RCCD1: variants seen among roughly 807,000 people sequenced by gnomAD.
RCCD1 encodes the protein RCC1 domain-containing protein 1.
A neutral mutation model predicts 37.6 loss-of-function variants in RCCD1; 40 were observed. The observed-to-expected ratio is 1.06, with a 90% CI of 0.83 to 1.39. The LOEUF (loss-of-function observed/expected upper bound fraction) is 1.39. RCCD1 is among the 40% of genes most tolerant of loss of function. The pLI is 0.00. For missense variants in RCCD1, 577 were observed against 517.3 expected, an observed-to-expected ratio of 1.12 and a Z score of -1.12; for synonymous variants, 263 against 230.0, an observed-to-expected ratio of 1.14 and a Z score of -1.30.
In RCCD1 at chr15:90,961,795, C is replaced by T; in HGVS notation, c.*26C>T. On this transcript the variant is annotated 3_prime_UTR_variant, in exon 8 of 8. Transcript: ENST00000394258. ...CATGTGTACGTATATGTATATGCAA[C>T]ACCTGTGAGACCCCCATTCAGGTCA... 6.3e-7 allele frequency: 1 copy of T among 1,599,164 alleles called. No individual in the cohort carries two copies. The highest frequency in any genetic ancestry group is 2.2e-5 in the East Asian group (1 of 44,618).
intron 2 of RCCD1, 98 bp from the exon 3 acceptor site, chr15:90,957,015 C>T: frequency 7.8e-7 from 1 of 1,286,038 alleles, no homozygotes; most frequent in Non-Finnish European, 9.9e-7. Context: ...GCCCCACATT[C>T]TGGGTTGGTC....
intron 6 of RCCD1, 99 bp from the exon 7 acceptor site, chr15:90,960,926 G>T (rs1030403119): frequency 1.1e-5 from 12 of 1,094,766 alleles, no homozygotes; most frequent in Non-Finnish European, 1.7e-5. Context: ...ATCTCATGAG[G>T]ATTGTAATAT....
chr15:90,960,854 C>A, intron 6 of RCCD1, 171 bp from the exon 7 acceptor site: 1 of 726,472 alleles, frequency 1.4e-6, no homozygotes, highest in South Asian at 1.6e-5. Flanking sequence ...CCTCGGGATC[C>A]TCTGCCATGC....
intron 7 of RCCD1, 28 bp downstream of exon 7, chr15:90,961,082 C>T (rs748788991): frequency 1.2e-6 from 2 of 1,611,120 alleles, no homozygotes; most frequent in Admixed American, 3.3e-5. Context: ...TTTTGTGACC[C>T]TGAAACCAAG....
intron 4 of RCCD1, among the ~76,000 whole-genome samples, chr15:90,958,973 C>G (rs1041295877): frequency 4.6e-5 from 7 of 150,722 alleles, no homozygotes; most frequent in South Asian, 4.2e-4. Context: ...AAACCCCAAC[C>G]TTGGGCTGGA....
rs2037323116 is a variant in RCCD1, at chr15:90,961,893, A to C, written c.*124A>C. 2.1e-6 allele frequency: 2 copies of C among 937,460 alleles called. No homozygotes were observed. The highest frequency in any genetic ancestry group is 2.5e-5 in the East Asian group (1 of 39,456). The allele number at this position is 937,460 out of a possible 1,614,324, so 58.1% of individuals were successfully genotyped here. ...CATCACAGTCCTGCCCTTCACCCTCAAGCACGGTCCTAAACTTGTCTGCAC... is the reference window on the plus strand; with the variant it reads ...CATCACAGTCCTGCCCTTCACCCTCCAGCACGGTCCTAAACTTGTCTGCAC... On this transcript the variant is annotated 3_prime_UTR_variant, in exon 8 of 8. Coordinates refer to ENST00000394258, the MANE Select transcript of RCCD1 (RefSeq NM_001017919.2).
intron 7 of RCCD1, 43 bp from the exon 8 acceptor site, chr15:90,961,575 A>T: frequency 6.3e-7 from 1 of 1,583,200 alleles, no homozygotes; most frequent in Non-Finnish European, 8.6e-7. Flanking sequence ...AGCAGCAGCA[A>T]GACCCAGTGG....
chr15:90,958,287 G>C (rs2037243210), intron 4 of RCCD1, among the ~76,000 whole-genome samples: 1 of 152,106 alleles, frequency 6.6e-6, no homozygotes, highest in South Asian at 2.1e-4. Context: ...TGTGTCTGGG[G>C]CTCTCATTCT....
chr15:90,961,670 C>T lies in RCCD1; in HGVS notation c.1032C>T (p.Arg344=), dbSNP rs77876906. 9.3e-3 allele frequency: 15,053 copies of T among 1,614,118 alleles called. 83 individuals are homozygous for T. The highest frequency in any genetic ancestry group is 0.011 in the Non-Finnish European group (13,170 of 1,179,988). The change falls in exon 8 of 8, where the codon CGC becomes CGT. Residue 344 remains arginine (R), a synonymous_variant. Coordinates refer to ENST00000394258, the MANE Select transcript of RCCD1 (RefSeq NM_001017919.2). ...ACACCACCAGCTTGGATCGGCCTCG[C>T]CGTGTGGAATACTTTGTAGATAAGC... The part of the protein sequence containing the change: ...HEDTTSLDRP[R]RVEYFVDKQL...
Position 90,956,934 on chromosome 15 carries a change from A to G in RCCD1, c.166+34A>G, listed in dbSNP as rs565782695. The stretch of plus-strand genomic sequence containing the variant: ...TCCCCGCCCCGTCCCCACTTATTCC[A>G]GCCGCGCTCCCCAGTCGCCTCCCCG... On this transcript the variant is annotated intron_variant, in intron 2 of 7. Coordinates refer to ENST00000394258, the MANE Select transcript of RCCD1 (RefSeq NM_001017919.2). 3.9e-6 allele frequency: 5 copies of G among 1,267,418 alleles called. No individual in the cohort carries two copies. The African/African-American group carries it at 7.7e-5, about 20-fold the overall frequency. The allele number at this position is 1,267,418 out of a possible 1,614,324, so 78.5% of individuals were successfully genotyped here.
chr15:90,961,730 G>C lies in RCCD1; in HGVS notation c.1092G>C (p.Trp364Cys). The change falls in exon 8 of 8, where the codon TGG (tryptophan) becomes TGC (cysteine). Residue 364 changes from tryptophan (W) to cysteine (C), a missense_variant. Coordinates refer to ENST00000394258, the MANE Select transcript of RCCD1 (RefSeq NM_001017919.2). ...TAAAGGCTGTCACCTGTGGGCCGTG[G>C]AACACCTACGTGTATGCTGTGGAGA... ...LQVKAVTCGP[W>C]NTYVYAVEKG... 2 of 1,614,160 alleles carry C rather than the reference G, an allele frequency of 1.2e-6. No individual in the cohort carries two copies. The highest frequency in any genetic ancestry group is 2.2e-5 in the South Asian group (2 of 91,090).
Position 90,957,738 on chromosome 15 carries a change from G to C in RCCD1, c.679+13G>C. 1 of 1,592,482 alleles carries C rather than the reference G, an allele frequency of 6.3e-7. No individual in the cohort carries two copies. The highest frequency in any genetic ancestry group is 1.7e-5 in the Admixed American group (1 of 57,342). ...GTGTGTGTGAGTGGTGAGTGACTTA[G>C]TGCTTCTCCAGACGAGCTCATGATC... On this transcript the variant is annotated intron_variant, in intron 4 of 7. Transcript: ENST00000394258.
rs1372082260 is a variant in RCCD1 at position 90,959,876 on chromosome 15, A to T, written c.680-24A>T. 2.6e-6 allele frequency: 4 copies of T among 1,554,596 alleles called. No homozygotes were observed. The Admixed American group carries it at 6.9e-5, about 27-fold the overall frequency. On this transcript the variant is annotated intron_variant, in intron 4 of 7. Coordinates refer to ENST00000394258, the MANE Select transcript of RCCD1 (RefSeq NM_001017919.2). Reference sequence around the variant, plus strand: ...ATGCAGGGGCTTCACAGTCTGTTTCATGTGTCCCCTTGATCTCTTTCAGAG... The same window carrying T: ...ATGCAGGGGCTTCACAGTCTGTTTCTTGTGTCCCCTTGATCTCTTTCAGAG...
Position 90,961,960 on chromosome 15 carries a change from G to T in RCCD1, c.*191G>T. Reference sequence around the variant, plus strand: ...GAGCATTGAAAACTCTGCTGCCTAAGGTCAGCATCAATCAAAACAATGAAA... The same window carrying T: ...GAGCATTGAAAACTCTGCTGCCTAATGTCAGCATCAATCAAAACAATGAAA... On this transcript the variant is annotated 3_prime_UTR_variant, in exon 8 of 8. Coordinates refer to ENST00000394258, the MANE Select transcript of RCCD1 (RefSeq NM_001017919.2). 4.5e-6 allele frequency: 2 copies of T among 447,144 alleles called. No individual in the cohort carries two copies. Among genetic ancestry groups the T allele is most frequent in the Non-Finnish European group, 7.9e-6 (2 of 252,418 alleles). 27.7% of individuals were successfully genotyped at this position (447,144 alleles called of 1,614,324 possible). A position where few individuals can be genotyped will look rare whatever the true frequency, so the allele number is the denominator to read the frequency against.
In RCCD1 at chr15:90,957,154, GCGGGCC is replaced by G. The variant is rs769973845; in HGVS notation, c.209_214del (p.Ala70_Arg72delinsGly). 3.7e-6 allele frequency: 5 copies of G among 1,363,250 alleles called. 1 individual carries two copies. In the South Asian group the frequency reaches 8.8e-5, roughly 24 times the overall value. 84.4% of individuals were successfully genotyped at this position (1,363,250 alleles called of 1,614,324 possible). ...GCTGTCGGGCTCAGCCAGCGGCGCG[GCGGGCC>G]GCTGCAAGGACGCGTGGGCCTCGGA... On this transcript the variant is annotated inframe_deletion, in exon 3 of 8. Transcript: ENST00000394258.
At position 90,956,639 on chromosome 15, in the gene RCCD1, C is replaced by CAG. The variant is rs1324283248; in HGVS notation, c.-92_-91dup. ...AAGGCAGCTCCAGCCCCTGGAAGGC[C>CAG]AGAGACTTGCCAGTGTCCCACTAGC... On this transcript the variant is annotated 5_prime_UTR_variant, in exon 2 of 8. Coordinates refer to ENST00000394258, the MANE Select transcript of RCCD1 (RefSeq NM_001017919.2). The CAG allele has an allele frequency of 8.8e-6, 10 of 1,132,220 alleles. No homozygotes were observed. The highest frequency in any genetic ancestry group is 1.1e-5 in the Non-Finnish European group (10 of 897,146). The allele number at this position is 1,132,220 out of a possible 1,614,324, so 70.1% of individuals were successfully genotyped here.
Position 90,957,240 on chromosome 15 carries a change from C to A in RCCD1, c.294C>A (p.Val98=), listed in dbSNP as rs779903681. The A allele has an allele frequency of 6.8e-7, 1 of 1,463,312 alleles. No individual in the cohort carries two copies. Among genetic ancestry groups the A allele is most frequent in the East Asian group, 2.6e-5 (1 of 38,200 alleles). The allele number at this position is 1,463,312 out of a possible 1,614,324, so 90.6% of individuals were successfully genotyped here. Residue 98 remains valine, a synonymous_variant, in exon 3 of 8, where the codon GTC becomes GTA. Transcript: ENST00000394258. The stretch of plus-strand genomic sequence containing the variant: ...CGGGGCCGGAGGCGTTACTGCAGGT[C>A]TGGGCGGCCGAATCGGCGCTGCGTG... ...AGPGPEALLQ[V]WAAESALRGE...
At chr15:90,958,274 G>C (rs1258819838) in intron 4 of RCCD1, among the ~76,000 whole-genome samples, 1 of 152,132 alleles carries the variant, frequency 6.6e-6, no homozygotes, top group African/African-American at 2.4e-5. Context: ...GATGATCTTT[G>C]TCTGTGTCTG....
chr15:90,961,591 A>G, intron 7 of RCCD1, 27 bp from the exon 8 acceptor site: 2 of 1,601,608 alleles, frequency 1.2e-6, no homozygotes, highest in Non-Finnish European at 1.7e-6. Context: ...AGTGGAGACG[A>G]TGGCAAAGGG....
Sources: allele counts gnomAD v4.1 joint callset (sites outside exome capture counted in the v4.1 genomes callset), GRCh38; gene constraint gnomAD v4.1.1; transcripts MANE v1.5; gene names NCBI Gene and HGNC (gene_info 2026-07-23, HGNC 2026-07-21).